Variants in ZNF407 observed in about 807,000 individuals in gnomAD.
ZNF407 encodes zinc finger protein 407.
ZNF407 carries 17 observed loss-of-function variants against 131.2 expected under a neutral mutation model. That is an observed-to-expected ratio of 0.13 (90% confidence interval 0.09 to 0.19). ZNF407 has a LOEUF of 0.19. ZNF407 is among the 10% of genes least tolerant of loss of function. The pLI is 1.00. For synonymous variants in ZNF407, 1,156 were observed against 1,062.0 expected (o/e 1.09, Z -1.72); for missense variants, 2,681 against 2,830.6 (o/e 0.95, Z 1.20).
intron 8 of ZNF407, among the ~76,000 whole-genome samples, chr18:75,046,055 ATTC>A (rs1294660123): frequency 1.8e-4 from 28 of 152,318 alleles, no homozygotes; most frequent in African/African-American, 6.7e-4. Context: ...ATCCGAAGTC[ATTC>A]TTATTTGAGA....
chr18:74,824,563 C>A (rs1165720124), intron 4 of ZNF407, among the ~76,000 whole-genome samples: 1 of 152,120 alleles, frequency 6.6e-6, no homozygotes, highest in African/African-American at 2.4e-5. Flanking sequence ...TACAAACTAC[C>A]ATCAGAGAAT....
At chr18:75,043,953 A>C (rs964801182) in intron 8 of ZNF407, among the ~76,000 whole-genome samples, 9 of 152,218 alleles carry the variant, frequency 5.9e-5, no homozygotes, top group Admixed American at 6.5e-5. Flanking sequence ...TACTTTGAAC[A>C]CTGAGAGCTG....
chr18:74,815,699 G>A (rs571988720), intron 4 of ZNF407, among the ~76,000 whole-genome samples: 2 of 152,250 alleles, frequency 1.3e-5, no homozygotes, highest in South Asian at 4.1e-4. Context: ...AAAATTAGCA[G>A]TTATTGGGAG....
intron 8 of ZNF407, among the ~76,000 whole-genome samples, chr18:75,010,097 A>C (rs1568299761): frequency 6.6e-6 from 1 of 152,214 alleles, no homozygotes; most frequent in Non-Finnish European, 1.5e-5. Flanking sequence ...CCTTCATGCC[A>C]GCCATTGTCC....
At chr18:74,817,705 G>C (rs1018763544) in intron 4 of ZNF407, among the ~76,000 whole-genome samples, 2 of 152,144 alleles carry the variant, frequency 1.3e-5, no homozygotes, top group African/African-American at 4.8e-5. Flanking sequence ...TCAAGATCCA[G>C]TGAAGACTGT....
intron 3 of ZNF407, among the ~76,000 whole-genome samples, chr18:74,677,028 T>C (rs1034311265): frequency 6.6e-6 from 1 of 152,188 alleles, no homozygotes; most frequent in Non-Finnish European, 1.5e-5. Flanking sequence ...CCCCTGCAGC[T>C]GGGACTGTTG....
At chr18:74,746,323 A>G (rs1968667744) in intron 3 of ZNF407, among the ~76,000 whole-genome samples, 1 of 152,112 alleles carries the variant, frequency 6.6e-6, no homozygotes, top group Non-Finnish European at 1.5e-5. Flanking sequence ...ACTACTGTAG[A>G]TTTTATCAAC....
At chr18:74,958,428 G>A (rs1972301012) in intron 8 of ZNF407, among the ~76,000 whole-genome samples, 1 of 152,148 alleles carries the variant, frequency 6.6e-6, no homozygotes, top group Non-Finnish European at 1.5e-5. Context: ...TGTCGAGGAG[G>A]GAGCACCTGA....
intron 3 of ZNF407, among the ~76,000 whole-genome samples, chr18:74,708,764 G>A (rs1027607819): frequency 2.0e-5 from 3 of 152,190 alleles, no homozygotes; most frequent in African/African-American, 7.2e-5. Flanking sequence ...CCCCGCACGC[G>A]GCTTGATTGG....
intron 8 of ZNF407, among the ~76,000 whole-genome samples, chr18:74,923,139 C>G (rs1971868637): frequency 6.6e-6 from 1 of 151,838 alleles, no homozygotes; most frequent in Non-Finnish European, 1.5e-5. Context: ...GTATCTTTTT[C>G]TATTTCATAT....
intron 8 of ZNF407, among the ~76,000 whole-genome samples, chr18:74,979,060 T>C (rs939237699): frequency 6.6e-6 from 1 of 152,082 alleles, no homozygotes; most frequent in Non-Finnish European, 1.5e-5. Context: ...GCAGCACTGC[T>C]TTTGAACCTT....
At chr18:74,804,302 T>TA (rs373245489) in intron 4 of ZNF407, 53,456 of 747,180 alleles carry the variant, frequency 0.072, 140 homozygotes, top group South Asian at 0.1. Flanking sequence ...ATCAATGAGT[T>TA]AAAAAAAAAA....
intron 8 of ZNF407, among the ~76,000 whole-genome samples, chr18:74,952,608 G>T (rs895500750): frequency 6.6e-6 from 1 of 152,176 alleles, no homozygotes; most frequent in Non-Finnish European, 1.5e-5. Context: ...AGCAGGAAGG[G>T]GCTGGACGAT....
chr18:74,633,605 T>C lies in ZNF407; in HGVS notation c.2586T>C (p.Ile862=). 1.2e-6 allele frequency: 2 copies of C among 1,614,028 alleles called. No individual in the cohort carries two copies. The highest frequency in any genetic ancestry group is 1.7e-6 in the Non-Finnish European group (2 of 1,179,888). The change falls in exon 2 of 9, where the codon ATT becomes ATC. Residue 862 remains isoleucine (I), a synonymous_variant. Coordinates refer to ENST00000299687, the MANE Select transcript of ZNF407 (RefSeq NM_017757.3). ...ACTGTGGCCTTTTGGCCTCTAGTAT[T>C]ACAAACTTGACTGTTCACATTAGAC... The part of the protein sequence containing the change: ...CSHCGLLASS[I]TNLTVHIRRK...
At chr18:74,831,367 TTTC>T (rs1261570187) in intron 4 of ZNF407, among the ~76,000 whole-genome samples, 1 of 152,208 alleles carries the variant, frequency 6.6e-6, no homozygotes, top group Non-Finnish European at 1.5e-5. Flanking sequence ...CTTGAACTGT[TTTC>T]TTCTTGCAAA....
At position 74,633,362 on chromosome 18, in the gene ZNF407, T is replaced by G. The variant is rs745973057; in HGVS notation, c.2343T>G (p.Gly781=). The part of the protein sequence containing the change: ...FEECIERVCI[G]ANDKKEEFDV... ...AATGTATTGAAAGGGTATGTATAGG[T>G]GCAAATGATAAAAAAGAAGAGTTTG... Residue 781 remains glycine (G), a synonymous_variant, in exon 2 of 9, where the codon GGT becomes GGG. Transcript: ENST00000299687. The G allele has an allele frequency of 2.5e-6, 4 of 1,613,788 alleles. No homozygotes were observed. The highest frequency in any genetic ancestry group is 3.4e-6 in the Non-Finnish European group (4 of 1,179,872).
In ZNF407 at chr18:74,956,233, T is replaced by C. The variant is rs534017594; in HGVS notation, c.5428+35541T>C. The stretch of plus-strand genomic sequence containing the variant: ...CTGTCTGTGTCACATCCCCACTTCC[T>C]CATCACATCCAGCTCTCCGTCCTGC... On this transcript the variant is annotated intron_variant, in intron 8 of 8. Coordinates refer to ENST00000299687, the MANE Select transcript of ZNF407 (RefSeq NM_017757.3). Among the ~76,000 whole-genome samples, 3 of 152,108 alleles carry C rather than the reference T, an allele frequency of 2.0e-5. No homozygotes were observed. In the East Asian group the frequency reaches 5.9e-4, roughly 30 times the overall value.
At chr18:74,820,715 A>G (rs774366939) in intron 4 of ZNF407, among the ~76,000 whole-genome samples, 1 of 152,198 alleles carries the variant, frequency 6.6e-6, no homozygotes, top group African/African-American at 2.4e-5. Context: ...ACACAAGTGC[A>G]TCTGATCTCA....
At chr18:74,879,323 C>T (rs1971205915) in intron 5 of ZNF407, among the ~76,000 whole-genome samples, 1 of 152,086 alleles carries the variant, frequency 6.6e-6, no homozygotes, top group Admixed American at 6.5e-5. Context: ...TGATATGGCA[C>T]AAACACTCCC....
Sources: allele counts gnomAD v4.1 joint callset (sites outside exome capture counted in the v4.1 genomes callset), GRCh38; gene constraint gnomAD v4.1.1; transcripts MANE v1.5; gene names NCBI Gene and HGNC (gene_info 2026-07-23, HGNC 2026-07-21).